Variants in PRKN observed in about 807,000 individuals in gnomAD.
PRKN encodes parkin RBR E3 ubiquitin protein ligase, also known as E3 ubiquitin-protein ligase parkin.
PRKN carries 56 observed loss-of-function variants against 59.5 expected under a neutral mutation model. The observed-to-expected ratio is 0.94, with a 90% CI of 0.76 to 1.18. PRKN has a LOEUF of 1.18. Among genes scored for constraint, PRKN ranks in the 50% most tolerant of loss-of-function variants. PRKN has a pLI of 0.00. For missense variants in PRKN, 657 were observed against 596.4 expected (o/e 1.10, Z -1.06); for synonymous variants, 250 against 222.1 (o/e 1.13, Z -1.12).
chr6:161,491,807 T>A (rs1000534741), intron 9 of PRKN, among the ~76,000 whole-genome samples: 1 of 152,020 alleles, frequency 6.6e-6, no homozygotes, highest in Non-Finnish European at 1.5e-5. Flanking sequence ...ATTTTTGTAT[T>A]TTTTAGTAGA....
At chr6:162,534,408 G>A (rs887717450) in intron 1 of PRKN, among the ~76,000 whole-genome samples, 3 of 151,866 alleles carry the variant, frequency 2.0e-5, no homozygotes, top group Non-Finnish European at 2.9e-5. Flanking sequence ...TTTGAACATC[G>A]AAAGCATGCT....
chr6:162,329,327 G>A (rs145342428), intron 2 of PRKN, among the ~76,000 whole-genome samples: 4 of 152,092 alleles, frequency 2.6e-5, no homozygotes, highest in African/African-American at 9.7e-5. Context: ...TGGTAGCTCC[G>A]ATAGCCAGTG....
At chr6:161,952,983 G>A (rs1327993623) in intron 6 of PRKN, among the ~76,000 whole-genome samples, 1 of 152,130 alleles carries the variant, frequency 6.6e-6, no homozygotes, top group Non-Finnish European at 1.5e-5. Context: ...GCCCACGTGA[G>A]CAGAGAAACC....
chr6:162,711,784 T>C (rs1283619300), intron 1 of PRKN, among the ~76,000 whole-genome samples: 1 of 152,154 alleles, frequency 6.6e-6, no homozygotes, highest in Non-Finnish European at 1.5e-5. Context: ...CCATTAGGCA[T>C]GAGGGTTGCT....
intron 2 of PRKN, among the ~76,000 whole-genome samples, chr6:162,442,101 G>A (rs906859582): frequency 4.6e-5 from 7 of 152,076 alleles, no homozygotes; most frequent in African/African-American, 1.4e-4. Flanking sequence ...TGTGCACAAC[G>A]AGTATGTGCC....
rs1458677495 is a variant in PRKN at position 161,970,730 on chromosome 6, G to T, written c.734+2572C>A. 2.0e-5 allele frequency among the ~76,000 whole-genome samples: 3 copies of T among 151,992 alleles called. No individual in the cohort carries two copies. In the South Asian group the frequency reaches 6.2e-4, roughly 32 times the overall value. The stretch of plus-strand genomic sequence containing the variant: ...TTTTTCTATTTTTAGTAGAAACAGG[G>T]TTTCACCATGTTGGCCAGGCTGGTC... On this transcript the variant is annotated intron_variant, in intron 6 of 11. Coordinates refer to ENST00000366898, the MANE Select transcript of PRKN (RefSeq NM_004562.3).
chr6:161,968,906 T>C (rs956658921), intron 6 of PRKN, among the ~76,000 whole-genome samples: 3 of 152,362 alleles, frequency 2.0e-5, no homozygotes, highest in Non-Finnish European at 2.9e-5. Context: ...AGATCTGTTT[T>C]GTAGACTTTT....
chr6:162,560,191 T>C (rs1299267323), intron 1 of PRKN, among the ~76,000 whole-genome samples: 1 of 152,222 alleles, frequency 6.6e-6, no homozygotes. Context: ...ATTAAGGTGA[T>C]TTCATTCAGA....
At chr6:161,496,402 C>T (rs779106504) in intron 9 of PRKN, among the ~76,000 whole-genome samples, 6 of 152,178 alleles carry the variant, frequency 3.9e-5, no homozygotes, top group Non-Finnish European at 5.9e-5. Flanking sequence ...AAGACATACT[C>T]GACACTGGGT....
At chr6:161,647,530 A>G (rs954837641) in intron 7 of PRKN, among the ~76,000 whole-genome samples, 7 of 152,174 alleles carry the variant, frequency 4.6e-5, no homozygotes, top group African/African-American at 1.7e-4. Flanking sequence ...GCCAGCACAA[A>G]CTTCCTGTGT....
intron 2 of PRKN, among the ~76,000 whole-genome samples, chr6:162,424,050 A>C (rs1321433601): frequency 6.6e-6 from 1 of 152,208 alleles, no homozygotes; most frequent in Admixed American, 6.5e-5. Context: ...CATTCCATTC[A>C]GACAAGGAAA....
chr6:161,631,651 G>C (rs538496243), intron 7 of PRKN, among the ~76,000 whole-genome samples: 6 of 152,116 alleles, frequency 3.9e-5, no homozygotes, highest in Admixed American at 6.6e-5. Context: ...TCATTCAATG[G>C]GGAGATAAAA....
chr6:161,608,223 T>C (rs1453640628), intron 7 of PRKN, among the ~76,000 whole-genome samples: 1 of 152,116 alleles, frequency 6.6e-6, no homozygotes, highest in Non-Finnish European at 1.5e-5. Context: ...ACTAAGAGAT[T>C]TATAATTCTA....
intron 7 of PRKN, among the ~76,000 whole-genome samples, chr6:161,604,766 C>T (rs2128144481): frequency 6.6e-6 from 1 of 152,258 alleles, no homozygotes; most frequent in Middle Eastern, 3.4e-3. Flanking sequence ...GAAACCCTGT[C>T]TCTACCAAAA....
At chr6:162,707,835 T>G (rs576208362) in intron 1 of PRKN, among the ~76,000 whole-genome samples, 2 of 152,198 alleles carry the variant, frequency 1.3e-5, no homozygotes, top group African/African-American at 4.8e-5. Context: ...TTGCCTTGGC[T>G]TCCCAAAGTG....
intron 4 of PRKN, among the ~76,000 whole-genome samples, chr6:162,175,344 T>C (rs1172356449): frequency 6.6e-6 from 1 of 152,202 alleles, no homozygotes; most frequent in African/African-American, 2.4e-5. Flanking sequence ...TTTTTGTTTA[T>C]TGCCTTTTAT....
At chr6:161,426,159 T>C (rs951147487) in intron 9 of PRKN, among the ~76,000 whole-genome samples, 1 of 152,102 alleles carries the variant, frequency 6.6e-6, no homozygotes, top group Non-Finnish European at 1.5e-5. Flanking sequence ...CGGAGATTTG[T>C]AAAAAGCAAG....
At chr6:161,677,654 A>C (rs1440746334) in intron 7 of PRKN, among the ~76,000 whole-genome samples, 1 of 152,202 alleles carries the variant, frequency 6.6e-6, no homozygotes, top group African/African-American at 2.4e-5. Context: ...CAAATAGCAC[A>C]CTGAAATTTG....
intron 5 of PRKN, among the ~76,000 whole-genome samples, chr6:161,999,657 G>A (rs572403734): frequency 6.6e-6 from 1 of 152,204 alleles, no homozygotes; most frequent in East Asian, 1.9e-4. Flanking sequence ...GTGATTGTTA[G>A]CTGCAGTGGT....
Sources: gnomAD v4.1 joint callset for allele counts (sites outside exome capture counted in the v4.1 genomes callset) on GRCh38, gnomAD v4.1.1 for gene constraint, MANE v1.5 for transcripts, NCBI Gene and HGNC (gene_info 2026-07-23, HGNC 2026-07-21) for gene names.